Variants in DMD observed in about 807,000 individuals in gnomAD.
The protein encoded by DMD is dystrophin.
Under a neutral mutation model 330.1 loss-of-function variants are expected in DMD, and 63 were observed. The observed-to-expected ratio is 0.19, with a 90% CI of 0.16 to 0.24. The LOEUF (loss-of-function observed/expected upper bound fraction) is 0.24, where lower values mean the gene tolerates loss of function less well. Among genes scored for constraint, DMD ranks in the 10% least tolerant of loss-of-function variants. The pLI is 1.00. For synonymous variants in DMD, 1,223 were observed against 959.8 expected (o/e 1.27, Z -5.07); for missense variants, 3,344 against 2,684.1 (o/e 1.25, Z -5.43).
intron 44 of DMD, among the ~76,000 whole-genome samples, chrX:32,200,470 T>C (rs1823779265): frequency 9.0e-6 from 1 of 111,328 alleles, no homozygotes; most frequent in African/African-American, 3.3e-5. Context: ...ATATGTAACG[T>C]GTTATATATG....
At chrX:31,370,424 G>A (rs937790928) in intron 60 of DMD, among the ~76,000 whole-genome samples, 7 of 111,960 alleles carry the variant, frequency 6.3e-5, no homozygotes, top group Non-Finnish European at 1.3e-4. Flanking sequence ...TGGCAAACAA[G>A]TACAGGAAAA....
chrX:33,281,991 C>T (rs751550771), intron 1 of DMD, among the ~76,000 whole-genome samples: 2 of 109,714 alleles, frequency 1.8e-5, no homozygotes, highest in African/African-American at 6.6e-5. Context: ...AATCCCTATA[C>T]TGGTACCCTC....
At chrX:32,189,978 T>C (rs1362925704) in intron 44 of DMD, among the ~76,000 whole-genome samples, 2 of 111,402 alleles carry the variant, frequency 1.8e-5, no homozygotes, top group African/African-American at 3.3e-5. Context: ...TAGCTATATG[T>C]AAACATACCA....
intron 55 of DMD, among the ~76,000 whole-genome samples, chrX:31,570,115 G>T (rs1280400432): frequency 9.0e-6 from 1 of 111,022 alleles, no homozygotes. Context: ...GGTCTTTTTG[G>T]TCTCCTCTAG....
chrX:32,316,571 A>G (rs753558621), intron 41 of DMD, among the ~76,000 whole-genome samples: 25 of 111,722 alleles, frequency 2.2e-4, no homozygotes, highest in African/African-American at 8.1e-4. Flanking sequence ...CTAAGGGTTG[A>G]TCCTGTGAAC....
At chrX:31,292,760 A>G (rs987887588) in intron 62 of DMD, among the ~76,000 whole-genome samples, 10 of 112,357 alleles carry the variant, frequency 8.9e-5, no homozygotes, top group African/African-American at 2.6e-4. Context: ...TTTAAATGGG[A>G]TATCAAATTG....
chrX:32,613,650 T>A (rs1332970025), intron 12 of DMD, among the ~76,000 whole-genome samples: 3 of 110,934 alleles, frequency 2.7e-5, no homozygotes, highest in Non-Finnish European at 5.7e-5. Flanking sequence ...GCCTTATTAT[T>A]TAAATTTGCA....
intron 2 of DMD, among the ~76,000 whole-genome samples, chrX:32,997,483 A>T (rs2093155054): frequency 9.0e-6 from 1 of 111,718 alleles, no homozygotes; most frequent in African/African-American, 3.3e-5. Context: ...TGACCTCGTG[A>T]TCTGCCTGCC....
intron 1 of DMD, among the ~76,000 whole-genome samples, chrX:33,207,404 TAAAC>T (rs1327570564): frequency 3.6e-5 from 4 of 111,037 alleles, no homozygotes; most frequent in Non-Finnish European, 7.6e-5. Context: ...CATGAAAAAA[TAAAC>T]AAAATCATTT....
At chrX:31,816,822 A>ACACACACACACAC (rs1193495862) in intron 50 of DMD, among the ~76,000 whole-genome samples, 2 of 110,108 alleles carry the variant, frequency 1.8e-5, no homozygotes, top group African/African-American at 3.3e-5. Context: ...ACACACACAC[A>ACACACACACACAC]AAGAAAAAAG....
At chrX:31,717,117 G>T (rs2085123478) in intron 52 of DMD, among the ~76,000 whole-genome samples, 1 of 111,466 alleles carries the variant, frequency 9.0e-6, no homozygotes, top group African/African-American at 3.3e-5. Context: ...ACTTATATAT[G>T]TATAAGAGTT....
intron 44 of DMD, among the ~76,000 whole-genome samples, chrX:32,090,486 G>C (rs1006753262): frequency 2.7e-5 from 3 of 111,434 alleles, no homozygotes; most frequent in African/African-American, 9.8e-5. Flanking sequence ...CCACCTTACA[G>C]CTACTAGAGT....
At chrX:31,324,993 T>C (rs1004762041) in intron 61 of DMD, among the ~76,000 whole-genome samples, 1 of 112,327 alleles carries the variant, frequency 8.9e-6, no homozygotes, top group Non-Finnish European at 1.9e-5. Flanking sequence ...CTTGGAGATA[T>C]GTCATTTAAA....
chrX:31,895,469 T>C (rs1353216115), intron 47 of DMD, among the ~76,000 whole-genome samples: 1 of 111,979 alleles, frequency 8.9e-6, no homozygotes, highest in Non-Finnish European at 1.9e-5. Context: ...GAATTCTGGA[T>C]GTTTCATATT....
intron 28 of DMD, among the ~76,000 whole-genome samples, chrX:32,440,463 T>A (rs1021488217): frequency 6.3e-5 from 7 of 111,466 alleles, no homozygotes; most frequent in African/African-American, 9.7e-5. Flanking sequence ...TAATTTATGC[T>A]CCTTATTTTA....
intron 44 of DMD, among the ~76,000 whole-genome samples, chrX:31,988,422 C>T (rs182462870): frequency 0.026 from 2,325 of 90,693 alleles, 86 homozygotes; most frequent in African/African-American, 0.086. Flanking sequence ...TGCAGTGAGC[C>T]GAGATCATGC....
chrX:33,333,633 G>A (rs1326607707), intron 1 of DMD, among the ~76,000 whole-genome samples: 1 of 111,052 alleles, frequency 9.0e-6, no homozygotes, highest in African/African-American at 3.3e-5. Context: ...ATGGAACTAT[G>A]GAGATTGTAA....
intron 55 of DMD, among the ~76,000 whole-genome samples, chrX:31,587,071 C>A (rs377536314): frequency 9.0e-6 from 1 of 111,010 alleles, no homozygotes; most frequent in Non-Finnish European, 1.9e-5. Flanking sequence ...AAATTTGATA[C>A]CTTTAAAGAT....
At chrX:31,872,452 C>CG (rs1362781261) in intron 48 of DMD, among the ~76,000 whole-genome samples, 5 of 111,368 alleles carry the variant, frequency 4.5e-5, no homozygotes, top group Non-Finnish European at 9.4e-5. Context: ...AAAACCATTC[C>CG]GGGGGGCACA....
Sources: allele counts gnomAD v4.1 joint callset (sites outside exome capture counted in the v4.1 genomes callset), GRCh38; gene constraint gnomAD v4.1.1; transcripts MANE v1.5; gene names NCBI Gene and HGNC (gene_info 2026-07-23, HGNC 2026-07-21).